Variants in IGSF11 observed in about 807,000 individuals in gnomAD.
IGSF11 encodes the protein immunoglobulin superfamily member 11.
In IGSF11, 22 loss-of-function variants were observed where a neutral mutation model predicts 41.0. The ratio of observed to expected loss-of-function variants is 0.54; its 90% CI spans 0.38 to 0.77. The LOEUF (loss-of-function observed/expected upper bound fraction) is 0.77, where lower values mean the gene tolerates loss of function less well. Ranked by LOEUF, IGSF11 falls within the 30% of genes least tolerant of loss-of-function variation. The probability of loss-of-function intolerance (pLI) is 0.00; values close to 1 mark genes in which losing one functional copy is unlikely to be tolerated. For missense variants in IGSF11, 444 were observed against 530.8 expected, an observed-to-expected ratio of 0.84 and a Z score of 1.61; for synonymous variants, 219 against 201.3, an observed-to-expected ratio of 1.09 and a Z score of -0.74.
At chr3:119,024,229 G>A (rs1939600980) in intron 1 of IGSF11, among the ~76,000 whole-genome samples, 1 of 152,084 alleles carries the variant, frequency 6.6e-6, no homozygotes, top group South Asian at 2.1e-4. Context: ...GTCCTGTTCT[G>A]AGGACAACGA....
intron 1 of IGSF11, among the ~76,000 whole-genome samples, chr3:119,143,343 T>A (rs1041909915): frequency 1.3e-5 from 2 of 152,174 alleles, no homozygotes; most frequent in African/African-American, 2.4e-5. Flanking sequence ...GAGACAGACA[T>A]GTATTATATA....
At chr3:118,931,007 T>C (rs1301677527) in intron 1 of IGSF11, among the ~76,000 whole-genome samples, 2 of 152,220 alleles carry the variant, frequency 1.3e-5, no homozygotes, top group Admixed American at 1.3e-4. Context: ...AGTATGGTAC[T>C]AGCTTTTTAA....
intron 1 of IGSF11, among the ~76,000 whole-genome samples, chr3:119,061,545 C>A (rs1308287063): frequency 6.6e-6 from 1 of 152,176 alleles, no homozygotes; most frequent in African/African-American, 2.4e-5. Context: ...CCCAGAAGTT[C>A]CTGGCATGAT....
intron 1 of IGSF11, among the ~76,000 whole-genome samples, chr3:118,967,975 G>A (rs1454507681): frequency 6.6e-6 from 1 of 152,056 alleles, no homozygotes; most frequent in African/African-American, 2.4e-5. Flanking sequence ...ACTCCAGTAG[G>A]AAAGAGAGAG....
At chr3:118,962,270 T>C (rs1406618980) in intron 1 of IGSF11, among the ~76,000 whole-genome samples, 1 of 152,272 alleles carries the variant, frequency 6.6e-6, no homozygotes, top group Non-Finnish European at 1.5e-5. Context: ...CTTTCTTTTG[T>C]CAATTATTAT....
chr3:119,115,792 A>T (rs1375404311), intron 1 of IGSF11, among the ~76,000 whole-genome samples: 1 of 152,184 alleles, frequency 6.6e-6, no homozygotes, highest in Non-Finnish European at 1.5e-5. Flanking sequence ...CTTAACTAAT[A>T]AATGTACAAT....
chr3:118,958,659 C>A (rs1257280321), intron 1 of IGSF11, among the ~76,000 whole-genome samples: 1 of 151,992 alleles, frequency 6.6e-6, no homozygotes, highest in South Asian at 2.1e-4. Flanking sequence ...AGAATGAATT[C>A]AAAAATGAAG....
At chr3:118,930,019 C>A in intron 2 of IGSF11, 93 bp downstream of exon 2, 1 of 1,314,926 alleles carries the variant, frequency 7.6e-7, no homozygotes, top group South Asian at 1.5e-5. Context: ...CCACCTTATT[C>A]TCGAAACCAA....
chr3:118,975,284 T>C (rs1396846694), intron 1 of IGSF11, among the ~76,000 whole-genome samples: 1 of 151,342 alleles, frequency 6.6e-6, no homozygotes, highest in African/African-American at 2.4e-5. Context: ...CCTTCAATAA[T>C]ATCTTTCCTT....
At chr3:119,111,420 G>C (rs991044319) in intron 1 of IGSF11, among the ~76,000 whole-genome samples, 1 of 152,132 alleles carries the variant, frequency 6.6e-6, no homozygotes, top group Non-Finnish European at 1.5e-5. Flanking sequence ...CGTAGTTCTT[G>C]AGCCTCGGCT....
chr3:119,076,483 A>C (rs1220938736), intron 1 of IGSF11, among the ~76,000 whole-genome samples: 1 of 152,208 alleles, frequency 6.6e-6, no homozygotes, highest in African/African-American at 2.4e-5. Flanking sequence ...CAACCTACAG[A>C]ATGGGAGAAA....
intron 1 of IGSF11, among the ~76,000 whole-genome samples, chr3:119,067,017 C>G (rs1942252627): frequency 6.6e-6 from 1 of 152,168 alleles, no homozygotes; most frequent in Non-Finnish European, 1.5e-5. Flanking sequence ...ATTCCAATAT[C>G]TGGACCACAT....
chr3:118,943,055 C>CGTTG (rs1449359356), intron 1 of IGSF11: 1 of 152,270 alleles, frequency 6.6e-6, no homozygotes, highest in African/African-American at 2.4e-5. Context: ...GTCATCACAA[C>CGTTG]ATTCCATGTG....
chr3:119,011,943 T>TTGTG (rs1553711921), intron 1 of IGSF11, among the ~76,000 whole-genome samples: 1 of 149,684 alleles, frequency 6.7e-6, no homozygotes, highest in Non-Finnish European at 1.5e-5. Flanking sequence ...CTATATAGTG[T>TTGTG]TCTGTGTGTG....
At chr3:119,017,535 T>C (rs1938841555) in intron 1 of IGSF11, among the ~76,000 whole-genome samples, 1 of 152,188 alleles carries the variant, frequency 6.6e-6, no homozygotes, top group Non-Finnish European at 1.5e-5. Context: ...TTTCCTCTTC[T>C]CTGTTTCTTA....
intron 3 of IGSF11, among the ~76,000 whole-genome samples, chr3:118,926,967 T>A (rs975613954): frequency 5.3e-5 from 8 of 152,028 alleles, no homozygotes; most frequent in Non-Finnish European, 1.2e-4. Flanking sequence ...GATGGTAGAG[T>A]TTAAGTCTAA....
chr3:119,078,950 A>G (rs1559855076), intron 1 of IGSF11, among the ~76,000 whole-genome samples: 1 of 152,232 alleles, frequency 6.6e-6, no homozygotes, highest in African/African-American at 2.4e-5. Flanking sequence ...GAAGACATAC[A>G]AGTGGCCAAC....
intron 1 of IGSF11, among the ~76,000 whole-genome samples, chr3:118,994,919 C>T (rs986699272): frequency 6.6e-6 from 1 of 151,742 alleles, no homozygotes; most frequent in Non-Finnish European, 1.5e-5. Context: ...CAGGGAAGAA[C>T]GTGGAGGAAG....
chr3:118,968,814 T>C (rs1481254229), intron 1 of IGSF11, among the ~76,000 whole-genome samples: 1 of 152,144 alleles, frequency 6.6e-6, no homozygotes, highest in Non-Finnish European at 1.5e-5. Context: ...ACCATCAAGG[T>C]TTCTAAAAAT....
Sources: allele counts gnomAD v4.1 joint callset (sites outside exome capture counted in the v4.1 genomes callset), GRCh38; gene constraint gnomAD v4.1.1; transcripts MANE v1.5; gene names NCBI Gene and HGNC (gene_info 2026-07-23, HGNC 2026-07-21).